The following CLVS1 variants were observed in gnomAD, a reference collection of about 807,000 sequenced individuals.
CLVS1 encodes the protein clavesin-1.
Under a neutral mutation model 33.1 loss-of-function variants are expected in CLVS1, and 10 were observed. The ratio of observed to expected loss-of-function variants is 0.30; its 90% confidence interval spans 0.19 to 0.51. CLVS1 has a LOEUF of 0.51. Ranked by LOEUF, CLVS1 falls within the 20% of genes least tolerant of loss-of-function variation. The pLI is 0.97. For synonymous variants in CLVS1, 163 were observed against 166.1 expected, an observed-to-expected ratio of 0.98 and a Z score of 0.14; for missense variants, 343 against 433.4, an observed-to-expected ratio of 0.79 and a Z score of 1.85.
chr8:61,371,470 C>CA (rs760578131), intron 2 of CLVS1, among the ~76,000 whole-genome samples: 8 of 152,032 alleles, frequency 5.3e-5, no homozygotes, highest in South Asian at 2.1e-4. Context: ...TGCTGCAGCA[C>CA]AAAAAATTAG....
intron 2 of CLVS1, among the ~76,000 whole-genome samples, chr8:61,273,110 A>G (rs1809481666): frequency 2.0e-5 from 3 of 149,278 alleles, no homozygotes; most frequent in Admixed American, 2.0e-4. Context: ...TTTTTTCCCC[A>G]TCTTTGTGGT....
chr8:61,029,398 A>T, the CLVS1 span, among the ~76,000 whole-genome samples: 1 of 152,132 alleles, frequency 6.6e-6, no homozygotes, highest in Non-Finnish European at 1.5e-5. Context: ...CGGGGCAGAG[A>T]TGCAGCTTCT....
chr8:61,421,576 A>T (rs117567963), intron 3 of CLVS1, among the ~76,000 whole-genome samples: 1 of 152,146 alleles, frequency 6.6e-6, no homozygotes, highest in East Asian at 1.9e-4. Flanking sequence ...AAAGGGACTA[A>T]ATTTTTCAAT....
chr8:61,466,072 C>G (rs1345320898), intron 5 of CLVS1, among the ~76,000 whole-genome samples: 1 of 152,182 alleles, frequency 6.6e-6, no homozygotes, highest in Non-Finnish European at 1.5e-5. Context: ...TTTCTCCTAC[C>G]TAATTTACTC....
intron 3 of CLVS1, among the ~76,000 whole-genome samples, chr8:61,430,309 T>C (rs1816062864): frequency 6.6e-6 from 1 of 152,210 alleles, no homozygotes; most frequent in Non-Finnish European, 1.5e-5. Flanking sequence ...CATGTGGTAG[T>C]TGTATGATTT....
At chr8:61,029,271 G>A in the CLVS1 span, among the ~76,000 whole-genome samples, 1 of 152,194 alleles carries the variant, frequency 6.6e-6, no homozygotes, top group Admixed American at 6.5e-5. Context: ...TCCGGCAGCC[G>A]TGAGGTTCCA....
upstream of CLVS1, among the ~76,000 whole-genome samples, chr8:61,286,411 C>A (rs538454361): frequency 1.3e-5 from 2 of 152,178 alleles, no homozygotes; most frequent in Non-Finnish European, 2.9e-5. Context: ...ATATATCACA[C>A]CCAACCCATC....
In CLVS1 at chr8:61,107,524, A is replaced by G. The variant is rs532113697; in HGVS notation, c.-242-24246A>G. On this transcript the variant is annotated intron_variant, in intron 1 of 2. Transcript: ENST00000522621. ...CTTTTAGAAGGCACTAATGCCCTTC[A>G]TGAGGGTGGAGCCCCCATGACCTAA... 3.3e-5 allele frequency among the ~76,000 whole-genome samples: 5 copies of G among 152,340 alleles called. No homozygotes were observed. In the South Asian group the frequency reaches 1.0e-3, roughly 32 times the overall value.
At chr8:61,348,682 TG>T (rs571861361) in intron 2 of CLVS1, among the ~76,000 whole-genome samples, 54 of 152,208 alleles carry the variant, frequency 3.5e-4, no homozygotes, top group African/African-American at 1.3e-3. Flanking sequence ...TCAGTGAACG[TG>T]GGAGTGCAGG....
At chr8:61,183,155 AGG>A (rs56917170) in intron 2 of CLVS1, among the ~76,000 whole-genome samples, 2 of 149,100 alleles carry the variant, frequency 1.3e-5, no homozygotes, top group Admixed American at 6.6e-5. Context: ...GGCAGGGCGG[AGG>A]GGGGCAGGCA....
At chr8:61,186,520 C>G (rs185832130) in intron 2 of CLVS1, among the ~76,000 whole-genome samples, 80 of 152,248 alleles carry the variant, frequency 5.3e-4, no homozygotes, top group African/African-American at 1.8e-3. Flanking sequence ...CAGATAAATG[C>G]TCTTTTGGAA....
the CLVS1 span, chr8:60,966,239 TGA>T: frequency 1.6e-5 from 6 of 381,230 alleles, no homozygotes; most frequent in Non-Finnish European, 3.1e-5. Context: ...AGCGCGGCTG[TGA>T]GTCTGAAGCT....
chr8:61,294,094 A>G (rs765549591), intron 1 of CLVS1, among the ~76,000 whole-genome samples: 8 of 152,054 alleles, frequency 5.3e-5, no homozygotes, highest in South Asian at 2.1e-4. Context: ...CAGTTTTACA[A>G]CACCCCTTAA....
the CLVS1 span, among the ~76,000 whole-genome samples, chr8:60,971,045 T>C: frequency 6.6e-6 from 1 of 151,130 alleles, no homozygotes; most frequent in Admixed American, 6.6e-5. Flanking sequence ...TAGCAACTTT[T>C]TTTTTTTGTT....
Position 61,196,806 on chromosome 8 carries a change from T to C in CLVS1, c.-152+64946T>C, listed in dbSNP as rs182779785. On this transcript the variant is annotated intron_variant, in intron 2 of 2. Transcript: ENST00000522621. ...CATCTTCATAAATTTTATTTAGGCATGTGGCCATCTAACTAGAGAACATGT... is the reference window on the plus strand; with the variant it reads ...CATCTTCATAAATTTTATTTAGGCACGTGGCCATCTAACTAGAGAACATGT... 4.0e-3 allele frequency among the ~76,000 whole-genome samples: 616 copies of C among 152,326 alleles called. 6 individuals carry two copies. Among genetic ancestry groups the C allele is most frequent in the African/African-American group, 0.014 (562 of 41,566 alleles).
intron 2 of CLVS1, among the ~76,000 whole-genome samples, chr8:61,221,742 T>G (rs1200153795): frequency 1.3e-5 from 2 of 152,190 alleles, no homozygotes; most frequent in Non-Finnish European, 2.9e-5. Flanking sequence ...TTGTTTGGAA[T>G]AGTTTCAGAA....
the CLVS1 span, chr8:60,966,099 A>G: frequency 3.9e-6 from 1 of 256,732 alleles, no homozygotes; most frequent in South Asian, 3.9e-5. Context: ...GGTGTGAGCC[A>G]CTGCGCCTGG....
the CLVS1 span, among the ~76,000 whole-genome samples, chr8:61,003,292 G>T: frequency 6.6e-6 from 1 of 152,138 alleles, no homozygotes; most frequent in Admixed American, 6.5e-5. Flanking sequence ...GAAAAAGTAT[G>T]GTTCTGGGGA....
chr8:61,012,385 A>G, the CLVS1 span, among the ~76,000 whole-genome samples: 1 of 152,228 alleles, frequency 6.6e-6, no homozygotes, highest in East Asian at 1.9e-4. Context: ...TTTTCATTAT[A>G]TCATTTTTCC....
Sources: gnomAD v4.1 joint callset for allele counts (sites outside exome capture counted in the v4.1 genomes callset) on GRCh38, gnomAD v4.1.1 for gene constraint, MANE v1.5 for transcripts, NCBI Gene and HGNC (gene_info 2026-07-23, HGNC 2026-07-21) for gene names.